The following TET2 variants were observed in gnomAD, a reference collection of about 807,000 sequenced individuals.
The protein encoded by TET2 is methylcytosine dioxygenase TET2.
TET2 carries 299 observed loss-of-function variants against 142.9 expected under a neutral mutation model. The ratio of observed to expected loss-of-function variants is 2.09; its 90% CI spans 1.90 to 2.30. TET2 has a LOEUF of 2.30. Among genes scored for constraint, TET2 ranks in the 30% most tolerant of loss-of-function variants. The probability of loss-of-function intolerance (pLI) is 0.00; values close to 1 mark genes in which losing one functional copy is unlikely to be tolerated. For missense variants in TET2, 2,418 were observed against 2,378.0 expected (o/e 1.02, Z -0.35); for synonymous variants, 819 against 849.0 (o/e 0.96, Z 0.61).
At chr4:105,191,616 T>C (rs1725794988) in intron 2 of TET2, among the ~76,000 whole-genome samples, 1 of 152,188 alleles carries the variant, frequency 6.6e-6, no homozygotes, top group Non-Finnish European at 1.5e-5. Flanking sequence ...TGTATAGCTC[T>C]AATCTCTGCC....
chr4:105,195,678 T>G (rs1185900091), intron 2 of TET2, among the ~76,000 whole-genome samples: 1 of 150,496 alleles, frequency 6.6e-6, no homozygotes, highest in Non-Finnish European at 1.5e-5. Flanking sequence ...ACAAGAAAAT[T>G]AATCTGTACA....
rs374728495 is a variant in TET2, at chr4:105,242,274, G to T, written c.3501-560G>T. On this transcript the variant is annotated intron_variant, in intron 4 of 10. Coordinates refer to ENST00000380013, the MANE Select transcript of TET2 (RefSeq NM_001127208.3). ...GAATTTCCCTAAGTGCCTTTTTTTT[G>T]TTGTTTTTTTGTTTTGTTTTTTAAA... 8.6e-5 allele frequency: 93 copies of T among 1,082,180 alleles called. No individual in the cohort carries two copies. The African/African-American group carries it at 1.2e-3, about 14-fold the overall frequency. The allele number at this position is 1,082,180 out of a possible 1,614,324, so 67.0% of individuals were successfully genotyped here.
In TET2 at chr4:105,206,091, T is replaced by C. The variant is rs1439249077; in HGVS notation, c.-47+15586T>C. ...TGGCCTCTAGTTCAGATTTATAGTT[T>C]GGTAATGTCTGATTTTCTTTGTTAG... On this transcript the variant is annotated intron_variant, in intron 2 of 10. Transcript: ENST00000380013. Among the ~76,000 whole-genome samples, 16 of 152,226 alleles carry C rather than the reference T, an allele frequency of 1.1e-4. 1 individual carries two copies. Among genetic ancestry groups the C allele is most frequent in the Admixed American group, 1.0e-3 (16 of 15,282 alleles).
At position 105,235,202 on chromosome 4, in the gene TET2, A is replaced by T; in HGVS notation, c.1260A>T (p.Ser420=). 6.2e-7 allele frequency: 1 copy of T among 1,614,074 alleles called. No homozygotes were observed. The stretch of plus-strand genomic sequence containing the variant: ...TTCCACAGGTTCCTCAGCTTCCTTC[A>T]GAAGGAAAAAGCACTCTGAATGGTG... The part of the protein sequence containing the change: ...PPLPQVPQLP[S]EGKSTLNGGV... The change falls in exon 3 of 11, where the codon TCA becomes TCT. Residue 420 remains serine, a synonymous_variant. Transcript: ENST00000380013.
chr4:105,225,777 A>T (rs1319001391), intron 2 of TET2, among the ~76,000 whole-genome samples: 2 of 152,080 alleles, frequency 1.3e-5, no homozygotes, highest in Non-Finnish European at 2.9e-5. Context: ...AAATAAATGA[A>T]CTAATGTGTC....
chr4:105,269,770 T>C (rs2110301282), intron 9 of TET2, 23 bp downstream of exon 9: 1 of 1,550,990 alleles, frequency 6.4e-7, no homozygotes, highest in East Asian at 2.4e-5. Context: ...GAGGACAGCT[T>C]AGCAGCTGTT....
rs767778868 is a variant in TET2, at chr4:105,235,541, G to A, written c.1599G>A (p.Met533Ile). Reference sequence around the variant, plus strand: ...TACAGGACAACTGCCAGCAGTTGATGAGAAACAAAGAGCAAGAGATTCTGA... The same window carrying A: ...TACAGGACAACTGCCAGCAGTTGATAAGAAACAAAGAGCAAGAGATTCTGA... ...GELQDNCQQL[M>I]RNKEQEILKG... Residue 533 changes from methionine (M) to isoleucine (I), a missense_variant, in exon 3 of 11, where the codon ATG (methionine) becomes ATA (isoleucine). Transcript: ENST00000380013. 3.2e-5 allele frequency: 51 copies of A among 1,614,030 alleles called. No homozygotes were observed. The highest frequency in any genetic ancestry group is 4.1e-5 in the Non-Finnish European group (48 of 1,180,028).
At chr4:105,196,553 C>T (rs1206244258) in intron 2 of TET2, among the ~76,000 whole-genome samples, 1 of 152,158 alleles carries the variant, frequency 6.6e-6, no homozygotes, top group Non-Finnish European at 1.5e-5. Flanking sequence ...CAAATTCCTC[C>T]TTACTATATT....
chr4:105,273,927 A>G (rs1731080061), intron 10 of TET2, among the ~76,000 whole-genome samples: 1 of 152,160 alleles, frequency 6.6e-6, no homozygotes, highest in South Asian at 2.1e-4. Flanking sequence ...AAAAAATCCA[A>G]AATTTGGGAT....
chr4:105,190,485 C>T lies in TET2; in HGVS notation c.-67C>T, dbSNP rs1725720642. ...CCAATAGGACATGATCCAGGAAGAG[C>T]AGTAAGGGACTGAGCTGCTGGTAAG... On this transcript the variant is annotated 5_prime_UTR_variant, in exon 2 of 11. It introduces an in-frame stop codon into an upstream open reading frame of the 5' UTR. Transcript: ENST00000380013. 1.4e-6 allele frequency: 1 copy of T among 702,094 alleles called. No individual in the cohort carries two copies. Among genetic ancestry groups the T allele is most frequent in the East Asian group, 2.7e-5 (1 of 37,268 alleles). 43.5% of individuals were successfully genotyped at this position (702,094 alleles called of 1,614,324 possible).
chr4:105,270,746 G>C (rs1730916787), intron 9 of TET2, among the ~76,000 whole-genome samples: 1 of 151,748 alleles, frequency 6.6e-6, no homozygotes, highest in African/African-American at 2.4e-5. Context: ...CATGTAAAGG[G>C]GTGACCCAGA....
chr4:105,240,657 G>GT, intron 3 of TET2: 1 of 1,079,996 alleles, frequency 9.3e-7, no homozygotes, highest in Non-Finnish European at 1.1e-6. Flanking sequence ...ATAATATTTG[G>GT]TAAGTTGTAA....
intron 1 of TET2, among the ~76,000 whole-genome samples, chr4:105,157,993 AACTT>A (rs1373126872): frequency 3.3e-5 from 5 of 152,166 alleles, no homozygotes; most frequent in Non-Finnish European, 1.5e-5. Context: ...TTACTGTTAC[AACTT>A]ACTTACTTTG....
chr4:105,267,538 C>T (rs968851343), intron 8 of TET2, among the ~76,000 whole-genome samples: 53 of 70,324 alleles, frequency 7.5e-4, no homozygotes, highest in African/African-American at 3.4e-3. Flanking sequence ...CCTTAAACCA[C>T]TAAAAAAAAA....
chr4:105,188,774 T>A (rs1725611179), intron 1 of TET2, among the ~76,000 whole-genome samples: 1 of 152,096 alleles, frequency 6.6e-6, no homozygotes, highest in South Asian at 2.1e-4. Context: ...TTGTATGGTT[T>A]TATATATATA....
chr4:105,243,502 T>G (rs1280584590), intron 5 of TET2, 68 bp from the exon 6 acceptor site: 1 of 1,409,816 alleles, frequency 7.1e-7, no homozygotes, highest in Non-Finnish European at 9.8e-7. Context: ...CCTTATCTGC[T>G]GCAAGTGACC....
intron 1 of TET2, among the ~76,000 whole-genome samples, chr4:105,180,848 A>G (rs552856012): frequency 1.3e-5 from 2 of 152,264 alleles, no homozygotes; most frequent in African/African-American, 4.8e-5. Context: ...GATGTTGGCC[A>G]GACTGGTCTT....
intron 2 of TET2, among the ~76,000 whole-genome samples, chr4:105,230,706 T>G (rs1228849654): frequency 6.6e-6 from 1 of 152,240 alleles, no homozygotes; most frequent in African/African-American, 2.4e-5. Flanking sequence ...GCGTCCTATA[T>G]GTTAAGAAAA....
At chr4:105,152,594 CTTTCT>C (rs1176555751) in intron 1 of TET2, among the ~76,000 whole-genome samples, 248 of 95,310 alleles carry the variant, frequency 2.6e-3, no homozygotes, top group African/African-American at 7.0e-3. Context: ...TTCTTTCTTT[CTTTCT>C]TTTTTTTTTT....
Sources: allele counts gnomAD v4.1 joint callset (sites outside exome capture counted in the v4.1 genomes callset), GRCh38; gene constraint gnomAD v4.1.1; transcripts MANE v1.5; gene names NCBI Gene and HGNC (gene_info 2026-07-23, HGNC 2026-07-21).